The following TMPRSS4 variants were observed in gnomAD, a reference collection of about 807,000 sequenced individuals.
TMPRSS4 encodes the protein transmembrane serine protease 4.
TMPRSS4 carries 45 observed loss-of-function variants against 56.4 expected under a neutral mutation model. That is an observed-to-expected ratio of 0.80 (90% CI 0.63 to 1.02). The LOEUF (loss-of-function observed/expected upper bound fraction) is 1.02, where lower values mean the gene tolerates loss of function less well. Ranked by LOEUF, TMPRSS4 falls within the 50% of genes least tolerant of loss-of-function variation. TMPRSS4 has a pLI of 0.00. For synonymous variants in TMPRSS4, 205 were observed against 211.0 expected (o/e 0.97, Z 0.25); for missense variants, 546 against 556.7 (o/e 0.98, Z 0.19).
At chr11:118,122,686 C>A (rs139956154), downstream of TMPRSS4, among the ~76,000 whole-genome samples, 2 of 152,278 alleles carry the variant, frequency 1.3e-5, no homozygotes, top group African/African-American at 4.8e-5. Context: ...GAAAGTATAG[C>A]TAATCAATAT....
intron 1 of TMPRSS4, among the ~76,000 whole-genome samples, chr11:118,085,780 A>G (rs1040821560): frequency 1.4e-3 from 212 of 152,212 alleles, no homozygotes; most frequent in African/African-American, 5.0e-3. Context: ...CCCTCCAGCC[A>G]TTGTCCAGGC....
At chr11:118,108,769 T>C (rs567456614) in intron 6 of TMPRSS4, 87 bp from the exon 7 acceptor site, 1 of 1,415,022 alleles carries the variant, frequency 7.1e-7, no homozygotes, top group African/African-American at 1.4e-5. Context: ...GGGAGGGGAC[T>C]TGAATTAACA....
Position 118,120,824 on chromosome 11 carries a change from C to T in TMPRSS4, c.*2911C>T, listed in dbSNP as rs940345790. On this transcript the variant is annotated 3_prime_UTR_variant, in exon 13 of 13. Transcript: ENST00000437212. ...AGAGACAGTACCAAAGAGATAAGAG[C>T]TGAGAATGTTCCAGAATTGATAAAA... 6.6e-6 allele frequency: 1 copy of T among 152,096 alleles called. No homozygotes were observed. Among genetic ancestry groups the T allele is most frequent in the African/African-American group, 2.4e-5 (1 of 41,384 alleles). 9.4% of individuals were successfully genotyped at this position (152,096 alleles called of 1,614,324 possible). A position where few individuals can be genotyped will look rare whatever the true frequency, so the allele number is the denominator to read the frequency against.
chr11:118,091,023 A>C (rs1234823764), intron 1 of TMPRSS4, among the ~76,000 whole-genome samples: 1 of 152,168 alleles, frequency 6.6e-6, no homozygotes, highest in Non-Finnish European at 1.5e-5. Context: ...ACCTCAATGA[A>C]TGCAGGCATG....
At chr11:118,123,761 T>A (rs1445823867), downstream of TMPRSS4, among the ~76,000 whole-genome samples, 1 of 152,072 alleles carries the variant, frequency 6.6e-6, no homozygotes, top group African/African-American at 2.4e-5. Context: ...CCTGACCTCG[T>A]GATCCGCCCG....
At chr11:118,090,821 A>AACACACACAC (rs375243175) in intron 1 of TMPRSS4, among the ~76,000 whole-genome samples, 3 of 140,428 alleles carry the variant, frequency 2.1e-5, no homozygotes, top group African/African-American at 7.9e-5. Context: ...CACACACACA[A>AACACACACAC]ACACACACAC....
At chr11:118,094,625 AC>A (rs2135338149) in intron 1 of TMPRSS4, among the ~76,000 whole-genome samples, 190 bp from the exon 2 acceptor site, 1 of 152,324 alleles carries the variant, frequency 6.6e-6, no homozygotes, top group East Asian at 1.9e-4. Flanking sequence ...TAATAAGTAA[AC>A]TAATTGAAAC....
intron 9 of TMPRSS4, among the ~76,000 whole-genome samples, 168 bp downstream of exon 9, chr11:118,113,603 C>G (rs1591408033): frequency 6.6e-6 from 1 of 152,194 alleles, no homozygotes; most frequent in East Asian, 1.9e-4. Flanking sequence ...ATGAGGCCTC[C>G]TCAAGCTGTC....
At chr11:118,086,467 T>A (rs139304535) in intron 1 of TMPRSS4, among the ~76,000 whole-genome samples, 295 of 152,358 alleles carry the variant, frequency 1.9e-3, no homozygotes, top group African/African-American at 6.3e-3. Flanking sequence ...AAAGTGCTGC[T>A]CTAATAATGA....
chr11:118,094,124 T>G (rs1202891100), intron 1 of TMPRSS4, among the ~76,000 whole-genome samples: 5 of 152,252 alleles, frequency 3.3e-5, no homozygotes, highest in Admixed American at 6.5e-5. Context: ...TGCTGGACAT[T>G]TGTACTCATT....
chr11:118,093,818 G>GCCCC (rs56222160), intron 1 of TMPRSS4, among the ~76,000 whole-genome samples: 18 of 149,926 alleles, frequency 1.2e-4, no homozygotes, highest in Non-Finnish European at 1.6e-4. Context: ...ATAACTAACT[G>GCCCC]CCCCCCCCAA....
At chr11:118,113,489 A>T (rs750143357) in intron 9 of TMPRSS4, 54 bp downstream of exon 9, 20 of 1,590,204 alleles carry the variant, frequency 1.3e-5, no homozygotes, top group Non-Finnish European at 1.6e-5. Flanking sequence ...TTTCACGCCC[A>T]CTCTGCTATT....
chr11:118,096,273 C>A (rs1946282409), intron 2 of TMPRSS4, among the ~76,000 whole-genome samples: 1 of 152,230 alleles, frequency 6.6e-6, no homozygotes, highest in African/African-American at 2.4e-5. Context: ...TCCACATCCC[C>A]ACTGCGTGGC....
chr11:118,093,249 A>T (rs1176809854), intron 1 of TMPRSS4, among the ~76,000 whole-genome samples: 1 of 152,148 alleles, frequency 6.6e-6, no homozygotes, highest in Non-Finnish European at 1.5e-5. Context: ...CCCTCCCTCC[A>T]TATCTAATCT....
chr11:118,089,911 A>T (rs1181430877), intron 1 of TMPRSS4, among the ~76,000 whole-genome samples: 1 of 152,118 alleles, frequency 6.6e-6, no homozygotes, highest in Non-Finnish European at 1.5e-5. Context: ...CTGTGGCACC[A>T]TCTCACTCAC....
intron 3 of TMPRSS4, among the ~76,000 whole-genome samples, chr11:118,102,343 T>C (rs11216751): frequency 6.6e-6 from 1 of 152,190 alleles, no homozygotes; most frequent in Admixed American, 6.5e-5. Flanking sequence ...GAGGCAGATA[T>C]TATAGATATC....
chr11:118,112,262 T>C (rs1279523998), intron 8 of TMPRSS4, among the ~76,000 whole-genome samples: 1 of 151,686 alleles, frequency 6.6e-6, no homozygotes, highest in African/African-American at 2.4e-5. Flanking sequence ...TCTAGAGTCA[T>C]AGCCACGTCC....
chr11:118,081,190 G>A lies in TMPRSS4; in HGVS notation c.3+3885G>A, dbSNP rs946745515. ...ACCAATTTCTGATTTATCTGACACTGAAAACAAGGCTCACCCGAAGTCCAA... is the reference window on the plus strand; with the variant it reads ...ACCAATTTCTGATTTATCTGACACTAAAAACAAGGCTCACCCGAAGTCCAA... On this transcript the variant is annotated intron_variant, in intron 1 of 12. Transcript: ENST00000437212. Among the ~76,000 whole-genome samples the A allele has an allele frequency of 2.6e-5, 4 of 152,182 alleles. 1 individual carries two copies. The highest frequency in any genetic ancestry group is 1.3e-4 in the Admixed American group (2 of 15,276).
At chr11:118,089,512 T>C (rs1223271045) in intron 1 of TMPRSS4, among the ~76,000 whole-genome samples, 1 of 152,176 alleles carries the variant, frequency 6.6e-6, no homozygotes, top group African/African-American at 2.4e-5. Context: ...TGCTAGTTAG[T>C]TGGATTTAAC....
Sources: gnomAD v4.1 joint callset for allele counts (sites outside exome capture counted in the v4.1 genomes callset) on GRCh38, gnomAD v4.1.1 for gene constraint, MANE v1.5 for transcripts, NCBI Gene and HGNC (gene_info 2026-07-23, HGNC 2026-07-21) for gene names.